USO1: variants seen among roughly 807,000 people sequenced by gnomAD.
USO1 encodes USO1 vesicle transport factor.
A neutral mutation model predicts 124.5 loss-of-function variants in USO1; 57 were observed. That is an observed-to-expected ratio of 0.46 (90% confidence interval 0.37 to 0.57). USO1 has a LOEUF of 0.57. Ranked by LOEUF, USO1 falls within the 20% of genes least tolerant of loss-of-function variation. The probability of loss-of-function intolerance (pLI) is 0.00; values close to 1 mark genes in which losing one functional copy is unlikely to be tolerated. For synonymous variants in USO1, 369 were observed against 362.8 expected, an observed-to-expected ratio of 1.02 and a Z score of -0.19; for missense variants, 900 against 1,040.6, an observed-to-expected ratio of 0.86 and a Z score of 1.86.
intron 4 of USO1, among the ~76,000 whole-genome samples, chr4:75,767,197 T>C (rs543251219): frequency 6.6e-6 from 1 of 152,216 alleles, no homozygotes; most frequent in Non-Finnish European, 1.5e-5. Context: ...CCTCCCTTGT[T>C]GATTTCATCT....
At chr4:75,749,103 G>T (rs922944315) in intron 1 of USO1, among the ~76,000 whole-genome samples, 1 of 152,058 alleles carries the variant, frequency 6.6e-6, no homozygotes, top group Non-Finnish European at 1.5e-5. Context: ...GCTAGGCTTG[G>T]TTATCCTGCT....
At chr4:75,755,561 G>C (rs1185725908) in intron 3 of USO1, 1 of 507,916 alleles carries the variant, frequency 2.0e-6, no homozygotes, top group Non-Finnish European at 3.9e-6. Context: ...TTTCAGTTAT[G>C]CCCAGCTGCT....
intron 3 of USO1, among the ~76,000 whole-genome samples, chr4:75,752,882 T>TA (rs2149154818): frequency 1.3e-5 from 2 of 152,232 alleles, no homozygotes; most frequent in East Asian, 3.9e-4. Flanking sequence ...GTCATTTCGA[T>TA]AAAGATTTAT....
Position 75,729,400 on chromosome 4 carries a change from C to T in USO1, c.66+4515C>T, listed in dbSNP as rs577964258. ...TGTCGCCCAGGCTGGAGTGCAGTGA[C>T]GTAATCTCGGCTCACTGCAGCCTCC... On this transcript the variant is annotated intron_variant, in intron 1 of 23. Transcript: ENST00000514213. 4.6e-5 allele frequency among the ~76,000 whole-genome samples: 7 copies of T among 152,136 alleles called. No individual in the cohort carries two copies. The South Asian group carries it at 1.2e-3, about 27-fold the overall frequency.
intron 1 of USO1, among the ~76,000 whole-genome samples, chr4:75,734,849 C>T (rs1720743790): frequency 6.7e-6 from 1 of 149,836 alleles, no homozygotes. Context: ...CTGCCTCAGC[C>T]TCCCAAGTAG....
In USO1 at chr4:75,810,488, T is replaced by C. The variant is rs1416988120; in HGVS notation, c.2532T>C (p.Thr844=). 25 of 1,613,168 alleles carry C rather than the reference T, an allele frequency of 1.5e-5. No individual in the cohort carries two copies. The highest frequency in any genetic ancestry group is 2.1e-5 in the Non-Finnish European group (25 of 1,179,626). The change falls in exon 22 of 24, where the codon ACT becomes ACC. Residue 844 remains threonine (T), a synonymous_variant. Coordinates refer to ENST00000514213, the MANE Select transcript of USO1 (RefSeq NM_003715.4). ...ETETIIATKT[T]DVEGRLSALL... ...AGACTATAATAGCCACCAAAACTACTGATGTAGAAGGAAGACTGTCAGCAT... is the reference window on the plus strand; with the variant it reads ...AGACTATAATAGCCACCAAAACTACCGATGTAGAAGGAAGACTGTCAGCAT...
chr4:75,744,790 G>C (rs1215409049), intron 1 of USO1: 2 of 323,286 alleles, frequency 6.2e-6, no homozygotes, highest in East Asian at 2.0e-4. Flanking sequence ...TGCTGTGTAA[G>C]TGTATAAAAT....
chr4:75,732,196 T>C (rs1298117306), intron 1 of USO1, among the ~76,000 whole-genome samples: 1 of 152,082 alleles, frequency 6.6e-6, no homozygotes, highest in Non-Finnish European at 1.5e-5. Flanking sequence ...TGTTGACTGC[T>C]CCCATCTTTA....
At chr4:75,768,565 A>G (rs770355706) in intron 4 of USO1, among the ~76,000 whole-genome samples, 1 of 152,242 alleles carries the variant, frequency 6.6e-6, no homozygotes, top group African/African-American at 2.4e-5. Context: ...CTCATAGACA[A>G]ACATGTCATC....
At chr4:75,783,903 C>T (rs765216262) in intron 9 of USO1, among the ~76,000 whole-genome samples, 2 of 152,206 alleles carry the variant, frequency 1.3e-5, no homozygotes, top group Admixed American at 6.5e-5. Context: ...ACTCCCAACT[C>T]ATCATTTCTG....
chr4:75,753,058 C>A (rs1295411898), intron 3 of USO1, among the ~76,000 whole-genome samples: 1 of 152,060 alleles, frequency 6.6e-6, no homozygotes, highest in African/African-American at 2.4e-5. Flanking sequence ...TTTTGGTATT[C>A]AGACTTGCTT....
chr4:75,788,300 T>G (rs572058733), intron 10 of USO1, among the ~76,000 whole-genome samples: 43 of 151,252 alleles, frequency 2.8e-4, no homozygotes, highest in Non-Finnish European at 5.6e-4. Flanking sequence ...CCTGAGTAGC[T>G]GGGATTACAG....
intron 21 of USO1, 65 bp downstream of exon 21, chr4:75,809,116 C>A: frequency 6.7e-7 from 1 of 1,497,354 alleles, no homozygotes; most frequent in South Asian, 1.3e-5. Context: ...ATTTCTTAGC[C>A]ACAATTAAAA....
chr4:75,809,954 A>C (rs963393921), intron 21 of USO1, among the ~76,000 whole-genome samples: 1 of 152,194 alleles, frequency 6.6e-6, no homozygotes, highest in Non-Finnish European at 1.5e-5. Flanking sequence ...AGTATTTTAG[A>C]AAAAAGACAA....
chr4:75,731,246 T>A (rs1720622207), intron 1 of USO1, among the ~76,000 whole-genome samples: 1 of 152,212 alleles, frequency 6.6e-6, no homozygotes, highest in African/African-American at 2.4e-5. Context: ...TAAAGTCTTC[T>A]CAGTAACAGA....
intron 19 of USO1, among the ~76,000 whole-genome samples, chr4:75,805,563 C>T (rs187318379): frequency 4.6e-5 from 7 of 151,934 alleles, no homozygotes; most frequent in Non-Finnish European, 7.4e-5. Context: ...AAAAATTAGC[C>T]GGGCATGGTG....
At chr4:75,730,288 A>G (rs1212667380) in intron 1 of USO1, among the ~76,000 whole-genome samples, 1 of 152,226 alleles carries the variant, frequency 6.6e-6, no homozygotes, top group African/African-American at 2.4e-5. Flanking sequence ...ATAGATGTCC[A>G]TGAAAAAAAT....
intron 3 of USO1, chr4:75,755,356 T>C (rs1721409985): frequency 2.2e-6 from 1 of 462,308 alleles, no homozygotes; most frequent in Non-Finnish European, 4.3e-6. Context: ...TCCAGTCTCT[T>C]TGTATTTCCA....
intron 8 of USO1, among the ~76,000 whole-genome samples, chr4:75,775,359 C>A (rs1722044653): frequency 6.6e-6 from 1 of 152,002 alleles, no homozygotes; most frequent in Non-Finnish European, 1.5e-5. Flanking sequence ...GCCAACATGG[C>A]AAAACCTCAT....
Sources: gnomAD v4.1 joint callset for allele counts (sites outside exome capture counted in the v4.1 genomes callset) on GRCh38, gnomAD v4.1.1 for gene constraint, MANE v1.5 for transcripts, NCBI Gene and HGNC (gene_info 2026-07-23, HGNC 2026-07-21) for gene names.